ST18: variants seen among roughly 807,000 people sequenced by gnomAD.
ST18 encodes suppression of tumorigenicity 18 protein.
Under a neutral mutation model 110.0 loss-of-function variants are expected in ST18, and 50 were observed. That is an observed-to-expected ratio of 0.45 (90% confidence interval 0.36 to 0.58). ST18 has a LOEUF of 0.58. Ranked by LOEUF, ST18 falls within the 20% of genes least tolerant of loss-of-function variation. The pLI is 0.00. For synonymous variants in ST18, 461 were observed against 452.4 expected, an observed-to-expected ratio of 1.02 and a Z score of -0.24; for missense variants, 1,306 against 1,280.1, an observed-to-expected ratio of 1.02 and a Z score of -0.31.
At chr8:52,400,251 T>C (rs1215370611) in intron 2 of ST18, among the ~76,000 whole-genome samples, 2 of 152,100 alleles carry the variant, frequency 1.3e-5, no homozygotes, top group African/African-American at 4.8e-5. Context: ...ACTATTTGCA[T>C]GGAATATCTT....
At chr8:52,215,233 A>T (rs1260144677) in intron 6 of ST18, among the ~76,000 whole-genome samples, 1 of 152,218 alleles carries the variant, frequency 6.6e-6, no homozygotes, top group East Asian at 1.9e-4. Flanking sequence ...CTGACCTGCC[A>T]TAGACTTATA....
intron 2 of ST18, among the ~76,000 whole-genome samples, chr8:52,398,230 T>C (rs1420367725): frequency 6.6e-6 from 1 of 152,178 alleles, no homozygotes; most frequent in Non-Finnish European, 1.5e-5. Context: ...TTGGATGTTA[T>C]TTATGTATTG....
chr8:52,297,790 A>G (rs1564441111), intron 2 of ST18, among the ~76,000 whole-genome samples: 2 of 152,352 alleles, frequency 1.3e-5, no homozygotes, highest in Admixed American at 6.5e-5. Context: ...TCACATACGA[A>G]GAAAGCCAAA....
chr8:52,173,500 T>C (rs983039967), intron 9 of ST18, among the ~76,000 whole-genome samples: 26 of 152,174 alleles, frequency 1.7e-4, no homozygotes, highest in African/African-American at 5.1e-4. Flanking sequence ...TCACCCCCTC[T>C]TGCTCTGGGA....
At chr8:52,261,840 C>CCTATTCCCA (rs1442404886) in intron 2 of ST18, among the ~76,000 whole-genome samples, 12 of 152,188 alleles carry the variant, frequency 7.9e-5, no homozygotes, top group Non-Finnish European at 8.8e-5. Flanking sequence ...TCCAGGTCAT[C>CCTATTCCCA]CTATTCCCAG....
intron 22 of ST18, among the ~76,000 whole-genome samples, chr8:52,131,742 C>A (rs2049686190): frequency 6.6e-6 from 1 of 152,154 alleles, no homozygotes; most frequent in Non-Finnish European, 1.5e-5. Context: ...TTTTCTAGAG[C>A]ACTTGAAAAC....
intron 15 of ST18, among the ~76,000 whole-genome samples, chr8:52,152,953 G>A (rs2059175069): frequency 6.6e-6 from 1 of 152,096 alleles, no homozygotes; most frequent in Non-Finnish European, 1.5e-5. Flanking sequence ...GAACAATGTG[G>A]CATTCCTACT....
At chr8:52,130,093 AAAAAGAAAGAAAGAAAGAAAGAAAG>A (rs1295588845) in intron 22 of ST18, among the ~76,000 whole-genome samples, 1 of 108,280 alleles carries the variant, frequency 9.2e-6, no homozygotes, top group Non-Finnish European at 1.8e-5. Context: ...AGAAAGAAAG[AAAAAGAAAGAAAGAAAGAAAGAAAG>A]AAAAGAAAGA....
chr8:52,197,719 G>A (rs2076606403), intron 8 of ST18, among the ~76,000 whole-genome samples: 2 of 152,000 alleles, frequency 1.3e-5, no homozygotes, highest in Admixed American at 1.3e-4. Context: ...AAGAATGAGG[G>A]CAGGGAGGCC....
rs752763322 is a variant in ST18 at position 52,116,315 on chromosome 8, G to A, written c.2963C>T (p.Ala988Val). Residue 988 changes from alanine (A) to valine (V), a missense_variant, in exon 25 of 26, where the codon GCT (alanine) becomes GTT (valine). By Grantham distance (64) the Ala-to-Val change is moderately conservative. Coordinates refer to ENST00000689386, the MANE Select transcript of ST18 (RefSeq NM_001352837.2). Reference protein sequence around the residue: ...LLKELAGLSQALISSLADIQL... With the variant: ...LLKELAGLSQVLISSLADIQL... ...GATGTCAGCAAGGCTTGAAATGAGAGCTTGGCTTAGACCTGCCAGCTCTTT... is the reference window on the plus strand; with the variant it reads ...GATGTCAGCAAGGCTTGAAATGAGAACTTGGCTTAGACCTGCCAGCTCTTT... The A allele has an allele frequency of 1.6e-5, 26 of 1,613,786 alleles. No individual in the cohort carries two copies. In the South Asian group the frequency reaches 2.5e-4, roughly 16 times the overall value.
At chr8:52,229,240 A>G (rs2090566141) in intron 3 of ST18, among the ~76,000 whole-genome samples, 1 of 152,230 alleles carries the variant, frequency 6.6e-6, no homozygotes, top group Admixed American at 6.5e-5. Flanking sequence ...ACAAATTTTT[A>G]CAAATTTGAT....
chr8:52,327,953 T>C (rs1807244337), intron 2 of ST18, among the ~76,000 whole-genome samples: 1 of 152,192 alleles, frequency 6.6e-6, no homozygotes, highest in Non-Finnish European at 1.5e-5. Flanking sequence ...ATTCTTGCAA[T>C]TGTCTTTATA....
chr8:52,275,063 C>A (rs993072392), intron 2 of ST18, among the ~76,000 whole-genome samples: 3 of 152,180 alleles, frequency 2.0e-5, no homozygotes, highest in Non-Finnish European at 4.4e-5. Flanking sequence ...AACTTGCCAG[C>A]ATTGGCAGGT....
At chr8:52,329,283 TA>T (rs368634304) in intron 2 of ST18, among the ~76,000 whole-genome samples, 23,584 of 128,692 alleles carry the variant, frequency 0.18, 1,986 homozygotes, top group African/African-American at 0.26. Flanking sequence ...GGAGAAATGG[TA>T]AAAAAAAAAA....
intron 2 of ST18, among the ~76,000 whole-genome samples, chr8:52,285,969 C>T (rs1210731737): frequency 6.6e-6 from 1 of 151,746 alleles, no homozygotes; most frequent in Non-Finnish European, 1.5e-5. Flanking sequence ...CACTACAACA[C>T]CCACTGCTAC....
Position 52,297,545 on chromosome 8 carries a change from C to A in ST18, c.-464-67468G>T, listed in dbSNP as rs564772470. On this transcript the variant is annotated intron_variant, in intron 2 of 25. Coordinates refer to ENST00000689386, the MANE Select transcript of ST18 (RefSeq NM_001352837.2). Reference sequence around the variant, plus strand: ...AGAAAAAATAGTATGTTTGCTCTGGCAGGACTAAGGTAAAATCAATGGAAG... The same window carrying A: ...AGAAAAAATAGTATGTTTGCTCTGGAAGGACTAAGGTAAAATCAATGGAAG... Among the ~76,000 whole-genome samples, 8 of 151,992 alleles carry A rather than the reference C, an allele frequency of 5.3e-5. No homozygotes were observed. In the East Asian group the frequency reaches 1.5e-3, roughly 29 times the overall value.
chr8:52,254,071 AAAAC>A (rs1004893180), intron 2 of ST18, among the ~76,000 whole-genome samples: 1 of 152,098 alleles, frequency 6.6e-6, no homozygotes, highest in Non-Finnish European at 1.5e-5. Flanking sequence ...ACAGAAGTTC[AAAAC>A]AAACATCAGA....
intron 8 of ST18, among the ~76,000 whole-genome samples, chr8:52,197,745 A>AAAT (rs1334529989): frequency 6.6e-6 from 1 of 152,116 alleles, no homozygotes; most frequent in African/African-American, 2.4e-5. Context: ...GAAGGAAGGG[A>AAAT]AAGAAGTGTG....
chr8:52,232,305 T>C (rs972695551), intron 2 of ST18, among the ~76,000 whole-genome samples: 12 of 152,216 alleles, frequency 7.9e-5, no homozygotes, highest in African/African-American at 2.9e-4. Flanking sequence ...AAACAGCAAT[T>C]ATGTACTTCT....
Sources: gnomAD v4.1 joint callset for allele counts (sites outside exome capture counted in the v4.1 genomes callset) on GRCh38, gnomAD v4.1.1 for gene constraint, MANE v1.5 for transcripts, NCBI Gene and HGNC (gene_info 2026-07-23, HGNC 2026-07-21) for gene names.